The following DIAPH3 variants were observed in gnomAD, a reference collection of about 807,000 sequenced individuals.
DIAPH3 encodes protein diaphanous homolog 3.
In DIAPH3, 117 loss-of-function variants were observed where a neutral mutation model predicts 144.3. The observed-to-expected ratio is 0.81, with a 90% CI of 0.70 to 0.95. The LOEUF is 0.95. Ranked by LOEUF, DIAPH3 falls within the 40% of genes least tolerant of loss-of-function variation. The pLI is 0.00. For synonymous variants in DIAPH3, 519 were observed against 488.9 expected (o/e 1.06, Z -0.81); for missense variants, 1,421 against 1,412.7 (o/e 1.01, Z -0.09).
intron 20 of DIAPH3, among the ~76,000 whole-genome samples, chr13:59,887,231 AC>A (rs1489639577): frequency 6.6e-6 from 1 of 152,048 alleles, no homozygotes; most frequent in East Asian, 1.9e-4. Context: ...TGTAAAACCA[AC>A]CCTGCATTCC....
At chr13:59,698,330 C>T (rs2033928119) in intron 27 of DIAPH3, among the ~76,000 whole-genome samples, 1 of 152,128 alleles carries the variant, frequency 6.6e-6, no homozygotes, top group Non-Finnish European at 1.5e-5. Context: ...TTGTGGTAAA[C>T]TGATCTTCTC....
At chr13:59,834,059 C>T (rs1024463936) in intron 23 of DIAPH3, among the ~76,000 whole-genome samples, 2 of 151,696 alleles carry the variant, frequency 1.3e-5, no homozygotes, top group African/African-American at 4.8e-5. Context: ...CACACAGGCA[C>T]ACACATATAG....
chr13:59,778,229 T>C (rs972214384), intron 25 of DIAPH3, among the ~76,000 whole-genome samples: 5 of 152,210 alleles, frequency 3.3e-5, no homozygotes, highest in Non-Finnish European at 7.3e-5. Context: ...CTGACCCATG[T>C]GGCATAAACT....
intron 27 of DIAPH3, among the ~76,000 whole-genome samples, chr13:59,719,748 TAGCG>T (rs1326550302): frequency 1.3e-5 from 2 of 152,126 alleles, no homozygotes; most frequent in Non-Finnish European, 2.9e-5. Flanking sequence ...GATGGCACTC[TAGCG>T]GTGAAATTGG....
chr13:60,063,430 G>A (rs983814353), intron 4 of DIAPH3, among the ~76,000 whole-genome samples: 2 of 152,134 alleles, frequency 1.3e-5, no homozygotes, highest in African/African-American at 4.8e-5. Flanking sequence ...AATGTTCATA[G>A]ATAGACCTCC....
chr13:59,719,033 T>C (rs1566217986), intron 27 of DIAPH3, among the ~76,000 whole-genome samples: 1 of 152,198 alleles, frequency 6.6e-6, no homozygotes, highest in African/African-American at 2.4e-5. Flanking sequence ...ATTTAGCTCA[T>C]GGTATGCCTC....
intron 27 of DIAPH3, among the ~76,000 whole-genome samples, chr13:59,743,972 G>C (rs571984318): frequency 1.1e-4 from 17 of 152,180 alleles, no homozygotes; most frequent in African/African-American, 3.9e-4. Context: ...CAAGTAAAAT[G>C]GTGGCAAATC....
intron 27 of DIAPH3, among the ~76,000 whole-genome samples, chr13:59,752,521 G>C (rs1263769163): frequency 6.6e-6 from 1 of 151,862 alleles, no homozygotes; most frequent in Non-Finnish European, 1.5e-5. Flanking sequence ...GTGCACACCA[G>C]CACACCCAGT....
intron 18 of DIAPH3, among the ~76,000 whole-genome samples, chr13:59,921,378 T>C (rs912483299): frequency 6.6e-6 from 1 of 150,454 alleles, no homozygotes; most frequent in Non-Finnish European, 1.5e-5. Flanking sequence ...AATATAGTCA[T>C]AAATGAAAAG....
chr13:59,776,929 AAAACAAAC>A lies in DIAPH3; in HGVS notation c.3164-2114_3164-2107del, dbSNP rs143031528. Among the ~76,000 whole-genome samples, 3 of 146,402 alleles carry A rather than the reference AAAACAAAC, an allele frequency of 2.0e-5. No homozygotes were observed. In the East Asian group the frequency reaches 7.4e-4, roughly 36 times the overall value. ...ATGTAAGCTCAAGGCTTAACAAAAC[AAAACAAAC>A]AAACAAACAAACAAAAAAACCCTTT... On this transcript the variant is annotated intron_variant, in intron 25 of 27. Coordinates refer to ENST00000400324, the MANE Select transcript of DIAPH3 (RefSeq NM_001042517.2).
chr13:59,848,307 CTTTTT>C (rs71089517), intron 22 of DIAPH3, among the ~76,000 whole-genome samples: 2 of 128,096 alleles, frequency 1.6e-5, no homozygotes, highest in Non-Finnish European at 3.3e-5. Flanking sequence ...AAAGTCAAAT[CTTTTT>C]TTTTTTTTTT....
intron 3 of DIAPH3, among the ~76,000 whole-genome samples, chr13:60,094,011 T>C (rs1156651015): frequency 2.0e-5 from 3 of 152,226 alleles, no homozygotes; most frequent in Admixed American, 2.0e-4. Context: ...TATAGATAAT[T>C]AGACAGTTGC....
intron 27 of DIAPH3, among the ~76,000 whole-genome samples, chr13:59,692,579 T>C (rs1208942066): frequency 6.6e-6 from 1 of 151,976 alleles, no homozygotes; most frequent in Non-Finnish European, 1.5e-5. Context: ...GAACCTTAGG[T>C]TTCCTTTTAA....
At chr13:59,694,708 A>G (rs1183403085) in intron 27 of DIAPH3, among the ~76,000 whole-genome samples, 2 of 152,154 alleles carry the variant, frequency 1.3e-5, no homozygotes, top group Non-Finnish European at 2.9e-5. Flanking sequence ...GGAAAATATT[A>G]TTGAAAACAC....
intron 22 of DIAPH3, among the ~76,000 whole-genome samples, chr13:59,857,183 G>A (rs1363366343): frequency 6.6e-6 from 1 of 152,124 alleles, no homozygotes; most frequent in African/African-American, 2.4e-5. Flanking sequence ...AGGTTAACGT[G>A]TCTTTTGGTT....
chr13:60,001,686 C>G (rs1210371437), intron 9 of DIAPH3, among the ~76,000 whole-genome samples: 1 of 152,188 alleles, frequency 6.6e-6, no homozygotes, highest in Non-Finnish European at 1.5e-5. Context: ...TAACTTGCCT[C>G]TCTCTTCAAA....
chr13:59,889,912 C>A (rs542324335), intron 20 of DIAPH3, among the ~76,000 whole-genome samples: 4 of 152,176 alleles, frequency 2.6e-5, no homozygotes, highest in East Asian at 3.9e-4. Context: ...TCAAGACGTG[C>A]TATAGGTTTT....
In DIAPH3 at chr13:59,970,968, G is replaced by C. The variant is rs1490758392; in HGVS notation, c.1843C>G (p.Pro615Ala). The change falls in exon 16 of 28, where the codon CCC becomes GCC. Residue 615 changes from proline (P) to alanine (A), a missense_variant. Pro to Ala is a conservative substitution (Grantham distance 27, BLOSUM62 -1). Transcript: ENST00000400324. ...PFSGPVPPPP[P>A]LGFLGGQNSP... ...TTTTGTCCTCCAAGGAATCCCAGGGGAGGTGGTGGAGGCACAGGACCACTG... is the reference window on the plus strand; with the variant it reads ...TTTTGTCCTCCAAGGAATCCCAGGGCAGGTGGTGGAGGCACAGGACCACTG... The C allele has an allele frequency of 6.2e-7, 1 of 1,613,918 alleles. No homozygotes were observed. Among genetic ancestry groups the C allele is most frequent in the Non-Finnish European group, 8.5e-7 (1 of 1,179,974 alleles).
At chr13:59,778,142 C>T (rs2038522857) in intron 25 of DIAPH3, among the ~76,000 whole-genome samples, 1 of 152,178 alleles carries the variant, frequency 6.6e-6, no homozygotes, top group African/African-American at 2.4e-5. Flanking sequence ...ATTATATCTA[C>T]ACAGAACATC....
Sources: allele counts gnomAD v4.1 joint callset (sites outside exome capture counted in the v4.1 genomes callset), GRCh38; gene constraint gnomAD v4.1.1; transcripts MANE v1.5; gene names NCBI Gene and HGNC (gene_info 2026-07-23, HGNC 2026-07-21).